The following SP8 variants were observed in gnomAD, a reference collection of about 807,000 sequenced individuals.
SP8 encodes the protein Sp8 transcription factor.
In SP8, 7 loss-of-function variants were observed where a neutral mutation model predicts 15.3. The ratio of observed to expected loss-of-function variants is 0.46; its 90% CI spans 0.26 to 0.86. The LOEUF is 0.86. Among genes scored for constraint, SP8 ranks in the 40% least tolerant of loss-of-function variants. The probability of loss-of-function intolerance (pLI) is 0.16; values close to 1 mark genes in which losing one functional copy is unlikely to be tolerated. For missense variants in SP8, 731 were observed against 736.4 expected (o/e 0.99, Z 0.09); for synonymous variants, 415 against 356.3 (o/e 1.16, Z -1.86).
chr7:20,786,848 A>G lies in SP8; in HGVS notation c.-50T>C. 6.7e-7 allele frequency: 1 copy of G among 1,486,450 alleles called. No individual in the cohort carries two copies. 92.1% of individuals were successfully genotyped at this position (1,486,450 alleles called of 1,614,324 possible). ...CAGAGGATCTTTTTTATATTGATAA[A>G]TCAGAGGCAGTGTTTTTTTTAGAGG... On this transcript the variant is annotated 5_prime_UTR_variant, in exon 1 of 2. Transcript: ENST00000418710. This position sits in a 1 kb window ranked among gnomAD's most constrained non-coding sequence, Gnocchi z 4.4.
Position 20,784,439 on chromosome 7 carries a change from C to T in SP8, c.1378G>A (p.Gly460Ser), listed in dbSNP as rs1165342660. Residue 460 changes from glycine (G) to serine (S), a missense_variant, in exon 2 of 2, where the codon GGC becomes AGC. Physicochemically the swap from Gly to Ser is moderately conservative, Grantham distance 56. Around this residue, in one of 3 missense-constraint regions of SP8, gnomAD observed 114 missense variants for 111.9 expected, o/e 1.02. Transcript: ENST00000418710. Reference protein sequence around the residue: ...SKHVKTHSGGGGGGGSAGSGS... With the variant: ...SKHVKTHSGGSGGGGSAGSGS... ...GAGCCCGCCGAGCCGCCGCCGCCGC[C>T]GCCGCCACTGTGCGTCTTCACGTGC... 1.3e-6 allele frequency: 2 copies of T among 1,537,410 alleles called. No individual in the cohort carries two copies. Among genetic ancestry groups the T allele is most frequent in the African/African-American group, 1.4e-5 (1 of 71,360 alleles).
chr7:20,785,424 T>C lies in SP8; in HGVS notation c.393A>G (p.Ala131=). The change falls in exon 2 of 2, where the codon GCA becomes GCG. Residue 131 remains alanine (A), a synonymous_variant. Transcript: ENST00000418710. This position sits in a 1 kb window ranked among gnomAD's most constrained non-coding sequence, Gnocchi z 7.2. ...SSAAAAAAAA[A]AAASSSPFAN... Reference sequence around the variant, plus strand: ...CGAAGGGCGAGCTGGAGGCGGCGGCTGCGGCGGCGGCGGCGGCGGCTGCGG... The same window carrying C: ...CGAAGGGCGAGCTGGAGGCGGCGGCCGCGGCGGCGGCGGCGGCGGCTGCGG... 1.7e-6 allele frequency: 2 copies of C among 1,167,238 alleles called. No homozygotes were observed. The highest frequency in any genetic ancestry group is 2.3e-5 in the South Asian group (1 of 43,908). The allele number at this position is 1,167,238 out of a possible 1,614,324, so 72.3% of individuals were successfully genotyped here. A position where few individuals can be genotyped will look rare whatever the true frequency, so the allele number is the denominator to read the frequency against.
Position 20,784,904 on chromosome 7 carries a change from G to A in SP8, c.913C>T (p.Leu305=), listed in dbSNP as rs770287483. 2 of 1,537,816 alleles carry A rather than the reference G, an allele frequency of 1.3e-6. No individual in the cohort carries two copies. The highest frequency in any genetic ancestry group is 2.4e-5 in the South Asian group (2 of 83,904). The change falls in exon 2 of 2, where the codon CTA becomes TTA. Residue 305 remains leucine (L), a synonymous_variant. Transcript: ENST00000418710. Reference sequence around the variant, plus strand: ...GCCGAGTCCGGGTAGGAGCCGGGTAGCACTGGCTTGAAGCCGTCCATGAGG... The same window carrying A: ...GCCGAGTCCGGGTAGGAGCCGGGTAACACTGGCTTGAAGCCGTCCATGAGG... The part of the protein sequence containing the change: ...QHLMDGFKPV[L]PGSYPDSAPS...
chr7:20,786,882 A>G lies in SP8; in HGVS notation c.-84T>C. On this transcript the variant is annotated 5_prime_UTR_variant, in exon 1 of 2. Coordinates refer to ENST00000418710, the MANE Select transcript of SP8 (RefSeq NM_182700.6). This position sits in a 1 kb window ranked among gnomAD's most constrained non-coding sequence, Gnocchi z 4.4. ...AGTGTTTTTTTTAGAGGTGTGCAATACAATGATCAGTTCCGCCCATTCCAC... is the reference window on the plus strand; with the variant it reads ...AGTGTTTTTTTTAGAGGTGTGCAATGCAATGATCAGTTCCGCCCATTCCAC... 1 of 1,121,276 alleles carries G rather than the reference A, an allele frequency of 8.9e-7. No homozygotes were observed. The highest frequency in any genetic ancestry group is 1.4e-6 in the Non-Finnish European group (1 of 729,912). 69.5% of individuals were successfully genotyped at this position (1,121,276 alleles called of 1,614,324 possible).
Position 20,783,133 on chromosome 7 carries a change from C to T in SP8, c.*1157G>A, listed in dbSNP as rs1462708947. The T allele has an allele frequency of 6.6e-6, 1 of 152,386 alleles. No individual in the cohort carries two copies. Among genetic ancestry groups the T allele is most frequent in the Non-Finnish European group, 1.5e-5 (1 of 68,030 alleles). 9.4% of individuals were successfully genotyped at this position (152,386 alleles called of 1,614,324 possible). A position where few individuals can be genotyped will look rare whatever the true frequency, so the allele number is the denominator to read the frequency against. On this transcript the variant is annotated 3_prime_UTR_variant, in exon 2 of 2. Transcript: ENST00000418710. ...TCTTCACTTGTTTGTAAGTTTAAAT[C>T]ACACACAAAAAAGTTTAACCCTACG...
In SP8 at chr7:20,784,347, G is replaced by T; in HGVS notation, c.1470C>A (p.Cys490Ter). The T allele has an allele frequency of 6.6e-7, 1 of 1,519,802 alleles. No homozygotes were observed. Among genetic ancestry groups the T allele is most frequent in the Non-Finnish European group, 8.8e-7 (1 of 1,140,944 alleles). 94.1% of individuals were successfully genotyped at this position (1,519,802 alleles called of 1,614,324 possible). The change falls in exon 2 of 2, where the codon TGC becomes TGA. Residue 490 changes from cysteine to a stop codon, truncating the protein, a stop_gained. Transcript: ENST00000418710. LOFTEE classifies it high-confidence loss of function. ...SEHSAAGSPP[C>*]HSPELLQPPE... ...GGGGCTGCAGCAGCTCTGGGGAGTGGCAGGGCGGGCTGCCCGCGGCGCTGT... is the reference window on the plus strand; with the variant it reads ...GGGGCTGCAGCAGCTCTGGGGAGTGTCAGGGCGGGCTGCCCGCGGCGCTGT...
rs1178788185 is a variant in SP8, at chr7:20,785,915, A to G, written c.22-120T>C. 3 of 1,459,930 alleles carry G rather than the reference A, an allele frequency of 2.1e-6. No individual in the cohort carries two copies. The East Asian group carries it at 7.6e-5, about 37-fold the overall frequency. The allele number at this position is 1,459,930 out of a possible 1,614,324, so 90.4% of individuals were successfully genotyped here. ...CCTCCAAAGCGCCCCACTGCACCCCATCTCTCGCTGCGGCGCGCCGCCACC... is the reference window on the plus strand; with the variant it reads ...CCTCCAAAGCGCCCCACTGCACCCCGTCTCTCGCTGCGGCGCGCCGCCACC... On this transcript the variant is annotated intron_variant, in intron 1 of 1. Coordinates refer to ENST00000418710, the MANE Select transcript of SP8 (RefSeq NM_182700.6). This position sits in a 1 kb window ranked among gnomAD's most constrained non-coding sequence, Gnocchi z 7.2.
chr7:20,784,223 G>T lies in SP8; in HGVS notation c.*67C>A. Reference sequence around the variant, plus strand: ...TAGGGAAAGGCTGGAGTTGAAGTCCGGACAGACAGGGCCCAAGAGGACTTG... The same window carrying T: ...TAGGGAAAGGCTGGAGTTGAAGTCCTGACAGACAGGGCCCAAGAGGACTTG... On this transcript the variant is annotated 3_prime_UTR_variant, in exon 2 of 2. Transcript: ENST00000418710. 7.5e-7 allele frequency: 1 copy of T among 1,334,120 alleles called. No homozygotes were observed. The highest frequency in any genetic ancestry group is 9.7e-7 in the Non-Finnish European group (1 of 1,031,204). 82.6% of individuals were successfully genotyped at this position (1,334,120 alleles called of 1,614,324 possible).
Position 20,785,406 on chromosome 7 carries a change from C to A in SP8, c.411G>T (p.Ser137=), listed in dbSNP as rs753201645. 9.7e-6 allele frequency: 12 copies of A among 1,242,436 alleles called. No individual in the cohort carries two copies. The South Asian group carries it at 2.4e-4, about 24-fold the overall frequency. The allele number at this position is 1,242,436 out of a possible 1,614,324, so 77.0% of individuals were successfully genotyped here. A position where few individuals can be genotyped will look rare whatever the true frequency, so the allele number is the denominator to read the frequency against. The stretch of plus-strand genomic sequence containing the variant: ...AAACAGAGTAGTCGTTGGCGAAGGG[C>A]GAGCTGGAGGCGGCGGCTGCGGCGG... ...AAAAAAAASS[S]PFANDYSVFQ... is the part of the protein sequence containing the mutation. The change falls in exon 2 of 2, where the codon TCG becomes TCT. Residue 137 remains serine (S), a synonymous_variant. Coordinates refer to ENST00000418710, the MANE Select transcript of SP8 (RefSeq NM_182700.6). The surrounding 1 kb of genome is among the most constrained non-coding windows in gnomAD (Gnocchi z 7.2).
In SP8 at chr7:20,785,328, G is replaced by A; in HGVS notation, c.489C>T (p.Gly163=). The change falls in exon 2 of 2, where the codon GGC becomes GGT. Residue 163 remains glycine (G), a synonymous_variant. Transcript: ENST00000418710. This position sits in a 1 kb window ranked among gnomAD's most constrained non-coding sequence, Gnocchi z 7.2. Reference sequence around the variant, plus strand: ...CCTGCGAGTGCGCGGAGGAGCCGCCGCCGCCGCCCCCGCCGCCGCCGCCGC... The same window carrying A: ...CCTGCGAGTGCGCGGAGGAGCCGCCACCGCCGCCCCCGCCGCCGCCGCCGC... ...GGSGGGGGGG[G]GGSSAHSQDG... The A allele has an allele frequency of 1.3e-6, 2 of 1,486,672 alleles. No homozygotes were observed. The highest frequency in any genetic ancestry group is 1.8e-6 in the Non-Finnish European group (2 of 1,118,616). 92.1% of individuals were successfully genotyped at this position (1,486,672 alleles called of 1,614,324 possible). A position where few individuals can be genotyped will look rare whatever the true frequency, so the allele number is the denominator to read the frequency against.
At position 20,783,044 on chromosome 7, in the gene SP8, G is replaced by T. The variant is rs555221590; in HGVS notation, c.*1246C>A. On this transcript the variant is annotated 3_prime_UTR_variant, in exon 2 of 2. Coordinates refer to ENST00000418710, the MANE Select transcript of SP8 (RefSeq NM_182700.6). ...TTAGGTTCAGATATATTTTACAAAG[G>T]TTCTTTTTTATTTTCCCTCTTTTGG... 6.0e-4 allele frequency: 92 copies of T among 152,444 alleles called. No individual in the cohort carries two copies. The highest frequency in any genetic ancestry group is 2.2e-3 in the African/African-American group (90 of 41,520). 9.4% of individuals were successfully genotyped at this position (152,444 alleles called of 1,614,324 possible).
chr7:20,784,513 G>C lies in SP8; in HGVS notation c.1304C>G (p.Ala435Gly), dbSNP rs1562605892. Residue 435 changes from alanine (A) to glycine (G), a missense_variant, in exon 2 of 2, where the codon GCC becomes GGC. By Grantham distance (60) the Ala-to-Gly change is moderately conservative. This residue lies in a region of SP8 where 114 missense variants were observed against 111.9 expected (regional missense o/e 1.02). Coordinates refer to ENST00000418710, the MANE Select transcript of SP8 (RefSeq NM_182700.6). ...LRTHTGEKRFACPVCNKRFMR... is the reference protein window; with the variant it reads ...LRTHTGEKRFGCPVCNKRFMR... ...GAAGCGCTTGTTGCAAACTGGACAG[G>C]CGAAGCGCTTCTCGCCGGTGTGGGT... The C allele has an allele frequency of 1.3e-6, 2 of 1,565,024 alleles. No homozygotes were observed. Among genetic ancestry groups the C allele is most frequent in the Non-Finnish European group, 1.7e-6 (2 of 1,156,068 alleles).
In SP8 at chr7:20,782,304, C is replaced by T. The variant is rs1052674353; in HGVS notation, c.*1986G>A. On this transcript the variant is annotated 3_prime_UTR_variant, in exon 2 of 2. Transcript: ENST00000418710. The stretch of plus-strand genomic sequence containing the variant: ...TAGTCTTTTATCTGAGTTTATTATA[C>T]CATTTAAAATATTACAAATAAATCA... 1 of 150,106 alleles carries T rather than the reference C, an allele frequency of 6.7e-6. No homozygotes were observed. Among genetic ancestry groups the T allele is most frequent in the African/African-American group, 2.5e-5 (1 of 40,648 alleles). The allele number at this position is 150,106 out of a possible 1,614,324, so 9.3% of individuals were successfully genotyped here.
rs990164826 is a variant in SP8, at chr7:20,786,793, T to G, written c.6A>C (p.Ala2=). The G allele has an allele frequency of 6.2e-7, 1 of 1,613,454 alleles. No homozygotes were observed. The highest frequency in any genetic ancestry group is 1.3e-5 in the African/African-American group (1 of 74,914). The stretch of plus-strand genomic sequence containing the variant: ...TGAGACTCACCCCTAGAAGTGAAGT[T>G]GCCATCACACAAAAGTGCCCTCCTC... The part of the protein sequence containing the change: M[A]TSLLGEEPRL... Residue 2 remains alanine (A), a synonymous_variant, in exon 1 of 2, where the codon GCA becomes GCC. Transcript: ENST00000418710. This position sits in a 1 kb window ranked among gnomAD's most constrained non-coding sequence, Gnocchi z 4.4.
At position 20,783,977 on chromosome 7, in the gene SP8, G is replaced by A. The variant is rs2128062938; in HGVS notation, c.*313C>T. ...CCTTCACAACCTGGGGGGTGGAGGA[G>A]GGGAGGACAAGGAAGAGAGAACGAG... is the stretch of plus-strand genomic sequence containing the variant. On this transcript the variant is annotated 3_prime_UTR_variant, in exon 2 of 2. Coordinates refer to ENST00000418710, the MANE Select transcript of SP8 (RefSeq NM_182700.6). 2.6e-6 allele frequency: 1 copy of A among 383,270 alleles called. No individual in the cohort carries two copies. Among genetic ancestry groups the A allele is most frequent in the Non-Finnish European group, 4.6e-6 (1 of 219,198 alleles). The allele number at this position is 383,270 out of a possible 1,614,324, so 23.7% of individuals were successfully genotyped here. A position where few individuals can be genotyped will look rare whatever the true frequency, so the allele number is the denominator to read the frequency against.
Position 20,784,505 on chromosome 7 carries a change from C to G in SP8, c.1312G>C (p.Val438Leu), listed in dbSNP as rs538728047. The change falls in exon 2 of 2, where the codon GTT becomes CTT. Residue 438 changes from valine to leucine, a missense_variant. Val to Leu is a conservative substitution (Grantham distance 32). Around this residue, in one of 3 missense-constraint regions of SP8, gnomAD observed 114 missense variants for 111.9 expected, o/e 1.02. Coordinates refer to ENST00000418710, the MANE Select transcript of SP8 (RefSeq NM_182700.6). ...HTGEKRFACP[V>L]CNKRFMRSDH... ...CTGCGCATGAAGCGCTTGTTGCAAA[C>G]TGGACAGGCGAAGCGCTTCTCGCCG... is the stretch of plus-strand genomic sequence containing the variant. 1 of 1,562,416 alleles carries G rather than the reference C, an allele frequency of 6.4e-7. No individual in the cohort carries two copies. The highest frequency in any genetic ancestry group is 8.7e-7 in the Non-Finnish European group (1 of 1,154,532).
At position 20,785,871 on chromosome 7, in the gene SP8, T is replaced by C. The variant is rs923748366; in HGVS notation, c.22-76A>G. 7 of 1,501,836 alleles carry C rather than the reference T, an allele frequency of 4.7e-6. No homozygotes were observed. In the African/African-American group the frequency reaches 9.7e-5, roughly 21 times the overall value. The allele number at this position is 1,501,836 out of a possible 1,614,324, so 93.0% of individuals were successfully genotyped here. On this transcript the variant is annotated intron_variant, in intron 1 of 1. Coordinates refer to ENST00000418710, the MANE Select transcript of SP8 (RefSeq NM_182700.6). The surrounding 1 kb of genome is among the most constrained non-coding windows in gnomAD (Gnocchi z 7.2). ...CGGTGGGGGAGGAAAGGAAGAAATG[T>C]GCATCAGTCCTTCGGTAGCCTCCAA...
Position 20,783,295 on chromosome 7 carries a change from T to C in SP8, c.*995A>G, listed in dbSNP as rs540831261. 6 of 152,724 alleles carry C rather than the reference T, an allele frequency of 3.9e-5. No individual in the cohort carries two copies. The highest frequency in any genetic ancestry group is 7.2e-5 in the African/African-American group (3 of 41,574). The allele number at this position is 152,724 out of a possible 1,614,324, so 9.5% of individuals were successfully genotyped here. ...AGGACAAACATGGAGATAGTTAATC[T>C]GGTCTCACCGGAAAGGAGTATTTTT... On this transcript the variant is annotated 3_prime_UTR_variant, in exon 2 of 2. Coordinates refer to ENST00000418710, the MANE Select transcript of SP8 (RefSeq NM_182700.6).
chr7:20,785,899 C>T lies in SP8; in HGVS notation c.22-104G>A. 6.8e-7 allele frequency: 1 copy of T among 1,477,728 alleles called. No individual in the cohort carries two copies. The highest frequency in any genetic ancestry group is 9.1e-7 in the Non-Finnish European group (1 of 1,100,216). The allele number at this position is 1,477,728 out of a possible 1,614,324, so 91.5% of individuals were successfully genotyped here. The stretch of plus-strand genomic sequence containing the variant: ...ATCAGTCCTTCGGTAGCCTCCAAAG[C>T]GCCCCACTGCACCCCATCTCTCGCT... On this transcript the variant is annotated intron_variant, in intron 1 of 1. Transcript: ENST00000418710. This position sits in a 1 kb window ranked among gnomAD's most constrained non-coding sequence, Gnocchi z 7.2.
Sources: gnomAD v4.1 joint callset for allele counts on GRCh38, gnomAD v4.1.1 for gene constraint, gnomAD v4.1.1 regional missense constraint, Gnocchi (gnomAD v3.1) non-coding constraint, MANE v1.5 for transcripts, NCBI Gene and HGNC (gene_info 2026-07-23, HGNC 2026-07-21) for gene names.